Variants in TTC4 observed in about 807,000 individuals in gnomAD.
TTC4 encodes hsp70/Hsp90 co-chaperone CNS1 homolog.
Under a neutral mutation model 51.9 loss-of-function variants are expected in TTC4, and 36 were observed. That is an observed-to-expected ratio of 0.69 (90% CI 0.53 to 0.92). The LOEUF (loss-of-function observed/expected upper bound fraction) is 0.92. TTC4 is among the 40% of genes least tolerant of loss of function. The probability of loss-of-function intolerance (pLI) is 0.00; values close to 1 mark genes in which losing one functional copy is unlikely to be tolerated. For synonymous variants in TTC4, 144 were observed against 164.2 expected (o/e 0.88, Z 0.94); for missense variants, 399 against 454.6 (o/e 0.88, Z 1.11).
At chr1:54,731,346 G>A (rs1426223502) in intron 6 of TTC4, 140 bp from the exon 7 acceptor site, 38 of 728,946 alleles carry the variant, frequency 5.2e-5, no homozygotes, top group East Asian at 4.4e-4. Context: ...GTGAAACTCC[G>A]TCTCTTCAAA....
Position 54,741,505 on chromosome 1 carries a change from A to G in TTC4, c.1156A>G (p.Ile386Val). 6.2e-7 allele frequency: 1 copy of G among 1,613,982 alleles called. No individual in the cohort carries two copies. The highest frequency in any genetic ancestry group is 1.1e-5 in the South Asian group (1 of 91,080). Residue 386 changes from isoleucine (I) to valine (V), a missense_variant, in exon 10 of 10, where the codon ATA becomes GTA. By Grantham distance (29) the Ile-to-Val change is conservative. Around this residue, in one of 3 missense-constraint regions of TTC4, gnomAD observed 64 missense variants for 61.3 expected, o/e 1.04. Transcript: ENST00000371281. ...TCTCCGGGGGAGAAAGGTGTACCAG[A>G]TACGATGACTAAGCCAGGGCCCCTG... is the stretch of plus-strand genomic sequence containing the variant. ...NFLRGRKVYQ[I>V]R is the part of the protein sequence containing the mutation.
rs763631171 is a variant in TTC4, at chr1:54,741,616, G to A, written c.*103G>A. 11 of 981,682 alleles carry A rather than the reference G, an allele frequency of 1.1e-5. No individual in the cohort carries two copies. Among genetic ancestry groups the A allele is most frequent in the Non-Finnish European group, 1.8e-5 (11 of 626,014 alleles). The allele number at this position is 981,682 out of a possible 1,614,324, so 60.8% of individuals were successfully genotyped here. A position where few individuals can be genotyped will look rare whatever the true frequency, so the allele number is the denominator to read the frequency against. On this transcript the variant is annotated 3_prime_UTR_variant, in exon 10 of 10. Coordinates refer to ENST00000371281, the MANE Select transcript of TTC4 (RefSeq NM_004623.5). ...TGCTGGAGTCCAGTGCTTTCTTTCC[G>A]TCACCCTGGGGATAGTCCTTCCTGG...
At chr1:54,730,768 A>G (rs1224118577) in intron 6 of TTC4, among the ~76,000 whole-genome samples, 2 of 151,538 alleles carry the variant, frequency 1.3e-5, no homozygotes, top group Non-Finnish European at 2.9e-5. Flanking sequence ...CCATGTCCCA[A>G]CTAAACTGAA....
intron 7 of TTC4, among the ~76,000 whole-genome samples, chr1:54,732,777 T>C (rs77986302): frequency 0.12 from 17,982 of 151,230 alleles, 1,767 homozygotes; most frequent in African/African-American, 0.26. Flanking sequence ...GTTTTTAACC[T>C]TGAAGCTGTT....
chr1:54,737,386 G>C, intron 8 of TTC4, 196 bp from the exon 9 acceptor site: 1 of 542,574 alleles, frequency 1.8e-6, no homozygotes, highest in Non-Finnish European at 3.3e-6. Context: ...GTCTTTGGAA[G>C]ATGGAACTGA....
chr1:54,738,661 C>CT (rs567268643), intron 9 of TTC4, among the ~76,000 whole-genome samples: 20,837 of 138,746 alleles, frequency 0.15, 1,957 homozygotes, highest in East Asian at 0.28. Flanking sequence ...CTAGGATGGC[C>CT]TTTTTTTTTT....
At chr1:54,721,799 CTT>C (rs1157968530) in intron 4 of TTC4, among the ~76,000 whole-genome samples, 1 of 152,220 alleles carries the variant, frequency 6.6e-6, no homozygotes, top group Non-Finnish European at 1.5e-5. Context: ...AATTATGCCT[CTT>C]TAAATGTTCA....
At chr1:54,737,507 T>C (rs1645960661) in intron 8 of TTC4, 75 bp from the exon 9 acceptor site, 23 of 1,402,824 alleles carry the variant, frequency 1.6e-5, no homozygotes, top group Non-Finnish European at 2.3e-5. Context: ...TCTTTTTAAT[T>C]TTCCCTGGGC....
intron 9 of TTC4, among the ~76,000 whole-genome samples, chr1:54,739,068 T>C (rs1054171093): frequency 4.0e-5 from 6 of 150,982 alleles, no homozygotes; most frequent in South Asian, 2.1e-4. Flanking sequence ...GATGGGGTTT[T>C]ACCATGTTGG....
intron 6 of TTC4, among the ~76,000 whole-genome samples, chr1:54,729,895 A>G (rs1261895116): frequency 6.6e-6 from 1 of 151,934 alleles, no homozygotes; most frequent in Non-Finnish European, 1.5e-5. Context: ...TAATTTTTGT[A>G]TTTTTAGTAG....
intron 8 of TTC4, among the ~76,000 whole-genome samples, chr1:54,735,605 G>T (rs1447020815): frequency 6.6e-6 from 1 of 152,126 alleles, no homozygotes; most frequent in African/African-American, 2.4e-5. Context: ...ATCTCCATTT[G>T]TCCCATTACT....
rs1557743897 is a variant in TTC4, at chr1:54,722,656, A to G, written c.470-19A>G. On this transcript the variant is annotated intron_variant, in intron 4 of 9. Coordinates refer to ENST00000371281, the MANE Select transcript of TTC4 (RefSeq NM_004623.5). ...CCATGCATGTTTTTCTTGAATCCTAAGGGTTCTGGGTTCTGCAGGTGCCTT... is the reference window on the plus strand; with the variant it reads ...CCATGCATGTTTTTCTTGAATCCTAGGGGTTCTGGGTTCTGCAGGTGCCTT... The G allele has an allele frequency of 1.2e-6, 2 of 1,607,962 alleles. No homozygotes were observed. Among genetic ancestry groups the G allele is most frequent in the East Asian group, 4.5e-5 (2 of 44,832 alleles).
At chr1:54,722,925 A>G (rs1387871877) in intron 5 of TTC4, 126 bp downstream of exon 5, 2 of 1,260,744 alleles carry the variant, frequency 1.6e-6, no homozygotes, top group Non-Finnish European at 2.2e-6. Flanking sequence ...CTACTCCTGG[A>G]ACTCTGTGGA....
chr1:54,720,209 C>T (rs1645726876), intron 3 of TTC4, among the ~76,000 whole-genome samples: 1 of 152,122 alleles, frequency 6.6e-6, no homozygotes, highest in South Asian at 2.1e-4. Flanking sequence ...AGGTTTCTTA[C>T]ATTTTTCAAG....
rs57397666 is a variant in TTC4 at position 54,733,764 on chromosome 1, T to A, written c.978+54T>A. On this transcript the variant is annotated intron_variant, in intron 8 of 9. Coordinates refer to ENST00000371281, the MANE Select transcript of TTC4 (RefSeq NM_004623.5). Reference sequence around the variant, plus strand: ...TGGAATTAATTTTTTTTTTTTTTTTTTTTTTTTTTGCGGCGGGGGAAGCAG... The same window carrying A: ...TGGAATTAATTTTTTTTTTTTTTTTATTTTTTTTTGCGGCGGGGGAAGCAG... The A allele has an allele frequency of 3.7e-3, 4,203 of 1,134,774 alleles. 157 individuals carry two copies. The African/African-American group carries it at 0.061, about 16-fold the overall frequency. 70.3% of individuals were successfully genotyped at this position (1,134,774 alleles called of 1,614,324 possible).
In TTC4 at chr1:54,717,510, A is replaced by G; in HGVS notation, c.248A>G (p.Lys83Arg). Reference protein sequence around the residue: ...RSPEEQAKTYKDEGNDYFKEK... With the variant: ...RSPEEQAKTYRDEGNDYFKEK... Reference sequence around the variant, plus strand: ...TTTGCAGAACAGGCCAAGACCTATAAAGATGAGGGCAATGATTACTTTAAA... The same window carrying G: ...TTTGCAGAACAGGCCAAGACCTATAGAGATGAGGGCAATGATTACTTTAAA... Residue 83 changes from lysine (K) to arginine (R), a missense_variant, in exon 3 of 10, where the codon AAA becomes AGA. By Grantham distance (26) the Lys-to-Arg change is conservative. This residue lies in a region of TTC4 where 316 missense variants were observed against 349.6 expected (regional missense o/e 0.90). Transcript: ENST00000371281. 1 of 1,599,224 alleles carries G rather than the reference A, an allele frequency of 6.3e-7. No individual in the cohort carries two copies. The highest frequency in any genetic ancestry group is 1.8e-5 in the Admixed American group (1 of 56,586).
At chr1:54,722,466 G>A (rs1453583444) in intron 4 of TTC4, among the ~76,000 whole-genome samples, 4 of 152,174 alleles carry the variant, frequency 2.6e-5, no homozygotes, top group African/African-American at 9.7e-5. Flanking sequence ...ACTTACAGGA[G>A]TTTTGAACTA....
rs765867335 is a variant in TTC4 at position 54,717,609 on chromosome 1, A to G, written c.347A>G (p.Asn116Ser). Residue 116 changes from asparagine (N) to serine (S), a missense_variant, in exon 3 of 10, where the codon AAT becomes AGT. Around this residue, in one of 3 missense-constraint regions of TTC4, gnomAD observed 316 missense variants for 349.6 expected, o/e 0.90. Coordinates refer to ENST00000371281, the MANE Select transcript of TTC4 (RefSeq NM_004623.5). The part of the protein sequence containing the change: ...LKKKCADPDL[N>S]AVLYTNRAAA... ...AAGAAATGTGCAGATCCTGATTTGA[A>G]TGCTGTCCTTTATACCAACCGGGCA... is the stretch of plus-strand genomic sequence containing the variant. 7 of 1,611,320 alleles carry G rather than the reference A, an allele frequency of 4.3e-6. No individual in the cohort carries two copies. The highest frequency in any genetic ancestry group is 5.1e-6 in the Non-Finnish European group (6 of 1,179,084).
chr1:54,722,871 C>G (rs1645759026), intron 5 of TTC4, 72 bp downstream of exon 5: 1 of 1,573,708 alleles, frequency 6.4e-7, no homozygotes, highest in East Asian at 2.2e-5. Context: ...TTGTGTCTCT[C>G]AAGTCATTGT....
Sources: allele counts gnomAD v4.1 joint callset (sites outside exome capture counted in the v4.1 genomes callset), GRCh38; gene constraint gnomAD v4.1.1; regional missense constraint gnomAD v4.1.1; transcripts MANE v1.5; gene names NCBI Gene and HGNC (gene_info 2026-07-23, HGNC 2026-07-21).